AUH: variants seen among roughly 807,000 people sequenced by gnomAD.
AUH encodes methylglutaconyl-CoA hydratase, mitochondrial.
Under a neutral mutation model 42.3 loss-of-function variants are expected in AUH, and 29 were observed. That is an observed-to-expected ratio of 0.69 (90% CI 0.51 to 0.93). AUH has a LOEUF of 0.93. Among genes scored for constraint, AUH ranks in the 40% least tolerant of loss-of-function variants. The pLI is 0.00. For missense variants in AUH, 452 were observed against 438.1 expected, an observed-to-expected ratio of 1.03 and a Z score of -0.28; for synonymous variants, 174 against 166.4, an observed-to-expected ratio of 1.05 and a Z score of -0.35.
At chr9:91,250,597 T>C (rs758134649) in intron 6 of AUH, among the ~76,000 whole-genome samples, 38 of 152,224 alleles carry the variant, frequency 2.5e-4, no homozygotes, top group Non-Finnish European at 5.3e-4. Context: ...TGCTACATAT[T>C]TGCAGCAACT....
chr9:91,224,243 T>G (rs1827303458), intron 6 of AUH, among the ~76,000 whole-genome samples: 1 of 152,226 alleles, frequency 6.6e-6, no homozygotes, highest in Admixed American at 6.5e-5. Context: ...TTATTGGCCA[T>G]CCATATATTG....
chr9:91,295,422 T>C (rs1827245181), intron 6 of AUH, among the ~76,000 whole-genome samples: 1 of 152,224 alleles, frequency 6.6e-6, no homozygotes, highest in Admixed American at 6.5e-5. Context: ...GTGGCAGGGT[T>C]TGAGGATTGA....
chr9:91,319,349 T>C (rs935577664), intron 4 of AUH, among the ~76,000 whole-genome samples: 4 of 152,216 alleles, frequency 2.6e-5, no homozygotes, highest in Admixed American at 2.0e-4. Flanking sequence ...TCCCCTCAAG[T>C]ACTGTTACAG....
chr9:91,288,004 T>A (rs1292456053), intron 6 of AUH, among the ~76,000 whole-genome samples: 1 of 151,930 alleles, frequency 6.6e-6, no homozygotes, highest in Non-Finnish European at 1.5e-5. Flanking sequence ...AAAATGTGTG[T>A]TTTACTGCTA....
In AUH at chr9:91,361,724, G is replaced by C; in HGVS notation, c.166C>G (p.Pro56Ala). 1 of 1,550,040 alleles carries C rather than the reference G, an allele frequency of 6.5e-7. No individual in the cohort carries two copies. Among genetic ancestry groups the C allele is most frequent in the African/African-American group, 1.4e-5 (1 of 72,852 alleles). ...GPAIWAQGWV[P>A]AAGGPAPKRG... ...TTCGGGGCGGGACCCCCGGCCGCAG[G>C]TACCCAGCCCTGGGCCCAGATCGCC... Residue 56 changes from proline (P) to alanine (A), a missense_variant, in exon 1 of 10, where the codon CCT (proline) becomes GCT (alanine). Pro to Ala is a conservative substitution (Grantham distance 27). Transcript: ENST00000375731.
intron 6 of AUH, among the ~76,000 whole-genome samples, chr9:91,236,297 A>C (rs1465908993): frequency 6.6e-6 from 1 of 152,182 alleles, no homozygotes; most frequent in Non-Finnish European, 1.5e-5. Context: ...TTTGCCAGAC[A>C]AGTACAAGAA....
intron 6 of AUH, among the ~76,000 whole-genome samples, chr9:91,236,213 T>G (rs1164232416): frequency 1.3e-5 from 2 of 151,608 alleles, no homozygotes; most frequent in Non-Finnish European, 2.9e-5. Context: ...TTAGCATGAT[T>G]ATTTTTTCCA....
intron 1 of AUH, 31 bp downstream of exon 1, chr9:91,361,597 G>A (rs1832859457): frequency 6.4e-7 from 1 of 1,564,558 alleles, no homozygotes; most frequent in Non-Finnish European, 8.7e-7. Context: ...GCCGCCCGCT[G>A]CCCCGCGCCT....
chr9:91,304,634 A>T (rs115633897), intron 4 of AUH, among the ~76,000 whole-genome samples: 94 of 152,370 alleles, frequency 6.2e-4, no homozygotes, highest in African/African-American at 2.1e-3. Flanking sequence ...AAAAAGAACA[A>T]GAAAAATGGG....
chr9:91,335,217 G>A (rs1323846399), intron 3 of AUH, among the ~76,000 whole-genome samples: 2 of 152,162 alleles, frequency 1.3e-5, no homozygotes, highest in Admixed American at 6.5e-5. Context: ...CTTTCTGTGT[G>A]GAAAGATCTT....
intron 6 of AUH, among the ~76,000 whole-genome samples, chr9:91,234,740 C>T (rs570943762): frequency 2.9e-4 from 44 of 150,846 alleles, no homozygotes; most frequent in African/African-American, 1.0e-3. Context: ...TACCATTCTG[C>T]AGAAGGAGAG....
intron 6 of AUH, among the ~76,000 whole-genome samples, chr9:91,222,293 G>C (rs1827177569): frequency 6.6e-6 from 1 of 152,172 alleles, no homozygotes; most frequent in Admixed American, 6.5e-5. Flanking sequence ...GCCTCAGTTG[G>C]AAGAACAGAG....
chr9:91,282,941 A>T (rs1430728084), intron 6 of AUH, among the ~76,000 whole-genome samples: 1 of 152,198 alleles, frequency 6.6e-6, no homozygotes, highest in African/African-American at 2.4e-5. Context: ...AAAAAGAGGG[A>T]ATCTTCCCTA....
intron 3 of AUH, among the ~76,000 whole-genome samples, chr9:91,344,217 C>A (rs1831313652): frequency 6.6e-6 from 1 of 152,216 alleles, no homozygotes; most frequent in Non-Finnish European, 1.5e-5. Flanking sequence ...TTGGTCTCCA[C>A]AACTAAGACA....
chr9:91,310,696 T>C (rs1828635068), intron 4 of AUH, among the ~76,000 whole-genome samples: 1 of 152,248 alleles, frequency 6.6e-6, no homozygotes, highest in Non-Finnish European at 1.5e-5. Context: ...GCAGATCTTG[T>C]GACCTCCTAA....
intron 6 of AUH, among the ~76,000 whole-genome samples, chr9:91,255,733 A>G (rs970962789): frequency 4.6e-5 from 7 of 152,336 alleles, no homozygotes; most frequent in African/African-American, 1.4e-4. Context: ...CTTACAAGTT[A>G]GTAGTCATAA....
At chr9:91,334,228 A>G (rs1377227057) in intron 3 of AUH, among the ~76,000 whole-genome samples, 2 of 152,126 alleles carry the variant, frequency 1.3e-5, no homozygotes, top group Non-Finnish European at 1.5e-5. Flanking sequence ...GACTCACTTT[A>G]TGTGTCTACT....
At chr9:91,257,502 G>A (rs529739169) in intron 6 of AUH, among the ~76,000 whole-genome samples, 5 of 152,256 alleles carry the variant, frequency 3.3e-5, no homozygotes, top group African/African-American at 1.2e-4. Flanking sequence ...TCTAGAATGG[G>A]GTGAAGGGGG....
At chr9:91,292,417 T>A (rs1446076932) in intron 6 of AUH, among the ~76,000 whole-genome samples, 1 of 152,000 alleles carries the variant, frequency 6.6e-6, no homozygotes, top group East Asian at 1.9e-4. Context: ...TAGCTGTGAT[T>A]ACAAGCACGC....
Sources: gnomAD v4.1 joint callset for allele counts (sites outside exome capture counted in the v4.1 genomes callset) on GRCh38, gnomAD v4.1.1 for gene constraint, MANE v1.5 for transcripts, NCBI Gene and HGNC (gene_info 2026-07-23, HGNC 2026-07-21) for gene names.